The following CXCL13 variants were observed in gnomAD, a reference collection of about 807,000 sequenced individuals.
CXCL13 encodes the protein C-X-C motif chemokine ligand 13, also known as C-X-C motif chemokine 13.
A neutral mutation model predicts 12.2 loss-of-function variants in CXCL13; 7 were observed. The observed-to-expected ratio is 0.57, with a 90% CI of 0.33 to 1.07. The LOEUF (loss-of-function observed/expected upper bound fraction) is 1.07. Ranked by LOEUF, CXCL13 falls within the 50% of genes least tolerant of loss-of-function variation. CXCL13 has a pLI of 0.04. For missense variants in CXCL13, 113 were observed against 127.4 expected (o/e 0.89, Z 0.55); for synonymous variants, 47 against 42.4 (o/e 1.11, Z -0.42).
intron 1 of CXCL13, among the ~76,000 whole-genome samples, chr4:77,596,959 C>A (rs965969456): frequency 5.3e-5 from 8 of 152,062 alleles, no homozygotes; most frequent in Admixed American, 3.9e-4. Flanking sequence ...TCTATACATG[C>A]GGTGGAGTAT....
intron 1 of CXCL13, among the ~76,000 whole-genome samples, chr4:77,538,338 T>C (rs1725112769): frequency 1.3e-5 from 2 of 150,870 alleles, no homozygotes; most frequent in Non-Finnish European, 1.5e-5. Flanking sequence ...TTGGTTTGGT[T>C]TTTTTTTTAA....
chr4:77,516,291 C>T (rs562966214), intron 1 of CXCL13, among the ~76,000 whole-genome samples: 20 of 152,154 alleles, frequency 1.3e-4, no homozygotes, highest in African/African-American at 3.6e-4. Context: ...TGTCTCTGCC[C>T]GGCTTTGGTG....
chr4:77,606,328 A>G (rs1875266), intron 1 of CXCL13, among the ~76,000 whole-genome samples: 10,850 of 152,258 alleles, frequency 0.071, 480 homozygotes, highest in Middle Eastern at 0.16. Flanking sequence ...TGCAGTGAAC[A>G]TGCTTCATGT....
chr4:77,606,482 G>A (rs1727005770), intron 1 of CXCL13, among the ~76,000 whole-genome samples: 1 of 152,212 alleles, frequency 6.6e-6, no homozygotes, highest in African/African-American at 2.4e-5. Context: ...AGTTGAAGTA[G>A]TAAGTTTTTA....
chr4:77,596,544 G>A (rs1316441941), intron 1 of CXCL13, among the ~76,000 whole-genome samples: 2 of 152,124 alleles, frequency 1.3e-5, no homozygotes, highest in African/African-American at 4.8e-5. Context: ...CAGCACTTTG[G>A]GAGACTGAGG....
intron 1 of CXCL13, among the ~76,000 whole-genome samples, chr4:77,516,658 C>A (rs1383731519): frequency 6.6e-6 from 1 of 152,068 alleles, no homozygotes; most frequent in Non-Finnish European, 1.5e-5. Context: ...GTGATATCCC[C>A]TTTATCATTT....
intron 1 of CXCL13, among the ~76,000 whole-genome samples, chr4:77,534,099 C>A (rs1349680740): frequency 6.6e-6 from 1 of 152,194 alleles, no homozygotes; most frequent in Non-Finnish European, 1.5e-5. Context: ...GTTGGAAATG[C>A]AGAAATCACC....
intron 1 of CXCL13, among the ~76,000 whole-genome samples, chr4:77,566,844 T>C (rs958745944): frequency 6.4e-4 from 98 of 152,332 alleles, no homozygotes; most frequent in African/African-American, 2.3e-3. Flanking sequence ...TTGTACTTCT[T>C]GAGTTAGGTT....
chr4:77,544,084 T>C (rs547887615), intron 1 of CXCL13, among the ~76,000 whole-genome samples: 15 of 152,340 alleles, frequency 9.8e-5, no homozygotes, highest in Non-Finnish European at 1.9e-4. Flanking sequence ...ACTCATCCTT[T>C]TTTATGGCTG....
At chr4:77,516,374 A>G (rs1452954101) in intron 1 of CXCL13, among the ~76,000 whole-genome samples, 2 of 152,162 alleles carry the variant, frequency 1.3e-5, no homozygotes, top group Non-Finnish European at 2.9e-5. Flanking sequence ...ATAGTTTCAG[A>G]AGGAATGGTA....
intron 1 of CXCL13, among the ~76,000 whole-genome samples, chr4:77,598,800 C>T (rs1726825414): frequency 6.6e-6 from 1 of 151,518 alleles, no homozygotes; most frequent in South Asian, 2.1e-4. Context: ...CCATTTTTGG[C>T]CTAGCCCCAA....
In CXCL13 at chr4:77,611,811, A is replaced by C; in HGVS notation, c.*772A>C. Reference sequence around the variant, plus strand: ...CCTATAAATCTAATGACATTCAATAAAGTTGAGCAAACATTTTACTTAATT... The same window carrying C: ...CCTATAAATCTAATGACATTCAATACAGTTGAGCAAACATTTTACTTAATT... On this transcript the variant is annotated 3_prime_UTR_variant, in exon 4 of 4. Transcript: ENST00000682537. 2.5e-6 allele frequency: 1 copy of C among 398,658 alleles called. No homozygotes were observed. Among genetic ancestry groups the C allele is most frequent in the Non-Finnish European group, 4.4e-6 (1 of 226,020 alleles). The allele number at this position is 398,658 out of a possible 1,614,324, so 24.7% of individuals were successfully genotyped here.
At chr4:77,541,886 T>C (rs148147927) in intron 1 of CXCL13, among the ~76,000 whole-genome samples, 4 of 152,304 alleles carry the variant, frequency 2.6e-5, no homozygotes, top group Admixed American at 6.5e-5. Context: ...CTATGATTAC[T>C]TTCAGGCGGT....
Position 77,605,856 on chromosome 4 carries a change from T to A in CXCL13, c.-10T>A. ...TCAGAGCTCAAGTCTGAACTCTACC[T>A]CCAGACAGAATGAAGTTCATCTCGA... is the stretch of plus-strand genomic sequence containing the variant. On this transcript the variant is annotated 5_prime_UTR_variant, in exon 1 of 4. Coordinates refer to ENST00000682537, the MANE Select transcript of CXCL13 (RefSeq NM_001371558.1). The A allele has an allele frequency of 6.2e-7, 1 of 1,600,900 alleles. No homozygotes were observed. Among genetic ancestry groups the A allele is most frequent in the Non-Finnish European group, 8.5e-7 (1 of 1,171,086 alleles).
chr4:77,573,237 T>G (rs1726128715), intron 1 of CXCL13, among the ~76,000 whole-genome samples: 1 of 151,672 alleles, frequency 6.6e-6, no homozygotes, highest in Non-Finnish European at 1.5e-5. Context: ...GAACTTAAAA[T>G]AAAAGTTAAA....
chr4:77,544,815 C>T (rs1725310832), intron 1 of CXCL13, among the ~76,000 whole-genome samples: 1 of 152,136 alleles, frequency 6.6e-6, no homozygotes, highest in African/African-American at 2.4e-5. Context: ...TCATGAAGTC[C>T]TTGTCCATGC....
intron 2 of CXCL13, among the ~76,000 whole-genome samples, chr4:77,609,924 G>A (rs568210779): frequency 1.3e-5 from 2 of 152,320 alleles, no homozygotes; most frequent in East Asian, 3.9e-4. Flanking sequence ...AGAAGGTAAG[G>A]AAGTAATAAT....
intron 1 of CXCL13, among the ~76,000 whole-genome samples, chr4:77,538,250 C>T (rs1427273784): frequency 6.6e-6 from 1 of 152,020 alleles, no homozygotes; most frequent in Non-Finnish European, 1.5e-5. Context: ...ACTCTGGAAG[C>T]TTTCACAAAA....
At chr4:77,549,145 G>T (rs1447524272) in intron 1 of CXCL13, among the ~76,000 whole-genome samples, 1 of 152,142 alleles carries the variant, frequency 6.6e-6, no homozygotes, top group East Asian at 1.9e-4. Flanking sequence ...TGAAGCTTGT[G>T]CATGTGTCAC....
Sources: allele counts gnomAD v4.1 joint callset (sites outside exome capture counted in the v4.1 genomes callset), GRCh38; gene constraint gnomAD v4.1.1; transcripts MANE v1.5; gene names NCBI Gene and HGNC (gene_info 2026-07-23, HGNC 2026-07-21).